SMYD3: variants seen among roughly 807,000 people sequenced by gnomAD.
The protein encoded by SMYD3 is histone-lysine N-methyltransferase SMYD3.
In SMYD3, 36 loss-of-function variants were observed where a neutral mutation model predicts 57.7. The observed-to-expected ratio is 0.62, with a 90% CI of 0.48 to 0.82. The LOEUF (loss-of-function observed/expected upper bound fraction) is 0.82. Ranked by LOEUF, SMYD3 falls within the 40% of genes least tolerant of loss-of-function variation. The pLI, the probability that SMYD3 is intolerant of heterozygous loss-of-function variation, is 0.00. For missense variants in SMYD3, 515 were observed against 538.8 expected (o/e 0.96, Z 0.44); for synonymous variants, 211 against 195.0 (o/e 1.08, Z -0.68).
intron 5 of SMYD3, among the ~76,000 whole-genome samples, chr1:245,991,675 C>G (rs555282934): frequency 6.6e-5 from 10 of 152,366 alleles, no homozygotes; most frequent in Admixed American, 6.5e-4. Flanking sequence ...TACAAGAAGG[C>G]AGGTGGCTTC....
At chr1:246,423,221 C>T (rs924618435) in intron 1 of SMYD3, among the ~76,000 whole-genome samples, 2 of 150,062 alleles carry the variant, frequency 1.3e-5, no homozygotes, top group Admixed American at 6.7e-5. Context: ...CACTTGAACC[C>T]GGGAAACGAA....
chr1:246,087,807 A>G (rs2060744582), intron 5 of SMYD3, among the ~76,000 whole-genome samples: 1 of 152,214 alleles, frequency 6.6e-6, no homozygotes, highest in South Asian at 2.1e-4. Context: ...TCTAGATTCT[A>G]CATGAAGACT....
At chr1:245,895,055 T>C (rs1461539337) in intron 8 of SMYD3, among the ~76,000 whole-genome samples, 1 of 152,208 alleles carries the variant, frequency 6.6e-6, no homozygotes, top group Non-Finnish European at 1.5e-5. Context: ...CTACATTGTT[T>C]ATCTCTCAGC....
intron 2 of SMYD3, among the ~76,000 whole-genome samples, chr1:246,351,024 G>T (rs931410523): frequency 2.0e-5 from 3 of 152,182 alleles, no homozygotes; most frequent in African/African-American, 7.2e-5. Context: ...CACTGCTTTG[G>T]TTATGGTAGT....
chr1:246,350,543 A>T (rs2065806276), intron 2 of SMYD3, among the ~76,000 whole-genome samples: 1 of 152,188 alleles, frequency 6.6e-6, no homozygotes, highest in African/African-American at 2.4e-5. Flanking sequence ...TGTCGCCAAG[A>T]AAGGATGAGA....
intron 5 of SMYD3, among the ~76,000 whole-genome samples, chr1:246,146,158 C>T (rs2061839503): frequency 6.6e-6 from 1 of 152,148 alleles, no homozygotes; most frequent in Admixed American, 6.5e-5. Context: ...AGAAAGCATG[C>T]CATGTTCTCC....
At chr1:246,493,196 TA>T (rs969088859) in intron 1 of SMYD3, among the ~76,000 whole-genome samples, 9 of 135,462 alleles carry the variant, frequency 6.6e-5, no homozygotes, top group Admixed American at 6.0e-4. Context: ...CATTGGTCTG[TA>T]GTCCTAGCTA....
intron 5 of SMYD3, among the ~76,000 whole-genome samples, chr1:245,939,672 C>G (rs909891792): frequency 6.6e-6 from 1 of 152,112 alleles, no homozygotes; most frequent in African/African-American, 2.4e-5. Flanking sequence ...CTAGAGGAGA[C>G]AGGCTGACTG....
chr1:246,378,335 C>T, intron 1 of SMYD3, among the ~76,000 whole-genome samples: 1 of 151,988 alleles, frequency 6.6e-6, no homozygotes, highest in East Asian at 1.9e-4. Flanking sequence ...GAGGGTGTTG[C>T]CAAAGGAGAT....
intron 1 of SMYD3, among the ~76,000 whole-genome samples, chr1:246,419,635 G>T (rs2067112957): frequency 6.6e-6 from 1 of 152,140 alleles, no homozygotes. Context: ...ATCATTTAAA[G>T]GGACCACACT....
At chr1:245,987,582 T>C (rs1298826637) in intron 5 of SMYD3, among the ~76,000 whole-genome samples, 2 of 152,226 alleles carry the variant, frequency 1.3e-5, no homozygotes, top group Non-Finnish European at 2.9e-5. Context: ...CACGTTTTCT[T>C]AACTTATTCC....
chr1:246,406,591 G>A lies in SMYD3; in HGVS notation c.165-51497C>T, dbSNP rs753156019. The stretch of plus-strand genomic sequence containing the variant: ...CAGTGCACCGTGTCCATAGTGCTAC[G>A]TGTTAGGCACTATTCAAAGCACATG... On this transcript the variant is annotated intron_variant, in intron 1 of 11. Transcript: ENST00000490107. Among the ~76,000 whole-genome samples, 3 of 152,142 alleles carry A rather than the reference G, an allele frequency of 2.0e-5. 1 individual carries two copies. The highest frequency in any genetic ancestry group is 4.1e-4 in the South Asian group (2 of 4,828).
intron 1 of SMYD3, among the ~76,000 whole-genome samples, chr1:246,380,718 AC>A (rs926182779): frequency 2.0e-5 from 3 of 152,238 alleles, no homozygotes; most frequent in African/African-American, 7.2e-5. Flanking sequence ...AATAATGCTC[AC>A]CAAGCGCCTA....
At chr1:246,201,197 C>G (rs1320349990) in intron 5 of SMYD3, among the ~76,000 whole-genome samples, 1 of 152,204 alleles carries the variant, frequency 6.6e-6, no homozygotes, top group Non-Finnish European at 1.5e-5. Flanking sequence ...AGATTCCCCT[C>G]TAAGTAAGTC....
chr1:245,793,700 C>T (rs532274881), intron 10 of SMYD3, among the ~76,000 whole-genome samples: 2 of 152,152 alleles, frequency 1.3e-5, no homozygotes, highest in South Asian at 4.2e-4. Flanking sequence ...TCAAACCTTG[C>T]CCTCCCATCC....
intron 5 of SMYD3, among the ~76,000 whole-genome samples, chr1:246,149,503 A>C (rs1313079548): frequency 6.6e-6 from 1 of 152,186 alleles, no homozygotes; most frequent in Admixed American, 6.5e-5. Flanking sequence ...TTTTCCTTTC[A>C]AAAGGAAAAT....
chr1:246,029,310 A>G (rs1278900415), intron 5 of SMYD3, among the ~76,000 whole-genome samples: 1 of 152,220 alleles, frequency 6.6e-6, no homozygotes, highest in African/African-American at 2.4e-5. Context: ...ATGTTCAGCA[A>G]GGAATTAATA....
intron 5 of SMYD3, among the ~76,000 whole-genome samples, chr1:245,931,033 A>G (rs2056684713): frequency 6.6e-6 from 1 of 152,226 alleles, no homozygotes; most frequent in South Asian, 2.1e-4. Context: ...CAAAGAGGCT[A>G]GTGTGACCAA....
intron 7 of SMYD3, among the ~76,000 whole-genome samples, chr1:245,920,648 T>C (rs976517418): frequency 6.6e-6 from 1 of 152,166 alleles, no homozygotes; most frequent in African/African-American, 2.4e-5. Context: ...CCGACGCTCA[T>C]TCTCCCAACC....
Sources: allele counts gnomAD v4.1 joint callset (sites outside exome capture counted in the v4.1 genomes callset), GRCh38; gene constraint gnomAD v4.1.1; transcripts MANE v1.5; gene names NCBI Gene and HGNC (gene_info 2026-07-23, HGNC 2026-07-21).